Variants in HHAT observed in about 807,000 individuals in gnomAD.
HHAT encodes the protein protein-cysteine N-palmitoyltransferase HHAT.
HHAT carries 47 observed loss-of-function variants against 70.8 expected under a neutral mutation model. The ratio of observed to expected loss-of-function variants is 0.66; its 90% CI spans 0.53 to 0.85. The LOEUF is 0.85. Among genes scored for constraint, HHAT ranks in the 40% least tolerant of loss-of-function variants. HHAT has a pLI of 0.00. For missense variants in HHAT, 609 were observed against 604.8 expected, an observed-to-expected ratio of 1.01 and a Z score of -0.07; for synonymous variants, 228 against 247.6, an observed-to-expected ratio of 0.92 and a Z score of 0.74.
intron 9 of HHAT, among the ~76,000 whole-genome samples, chr1:210,541,552 C>T (rs967872001): frequency 6.6e-6 from 1 of 152,098 alleles, no homozygotes; most frequent in African/African-American, 2.4e-5. Context: ...CATGATGAAA[C>T]CCCGTCTCTA....
chr1:210,644,602 C>CAAAA (rs57190952), intron 11 of HHAT, among the ~76,000 whole-genome samples: 3 of 64,024 alleles, frequency 4.7e-5, no homozygotes, highest in East Asian at 6.5e-4. Context: ...GACTCCATCT[C>CAAAA]AAAAAAAAAA....
chr1:210,562,313 A>G (rs966761095), intron 9 of HHAT, among the ~76,000 whole-genome samples: 1 of 150,492 alleles, frequency 6.6e-6, no homozygotes. Context: ...GCTTCCACTT[A>G]AACAACACAT....
At chr1:210,572,223 G>T (rs1430511291) in intron 9 of HHAT, among the ~76,000 whole-genome samples, 1 of 152,206 alleles carries the variant, frequency 6.6e-6, no homozygotes, top group Admixed American at 6.5e-5. Flanking sequence ...ATGAGAGGCA[G>T]TTGAAACTGT....
chr1:210,513,168 A>G lies in HHAT; in HGVS notation c.1023A>G (p.Gly341=). ...TTTTGAACAGGTATTTTGATGTTGG[A>G]CTGCATAATTTCTTAATCAGGTAAG... ...FTGMWRYFDV[G]LHNFLIRYVY... Residue 341 remains glycine (G), a synonymous_variant, in exon 9 of 12, where the codon GGA becomes GGG. Transcript: ENST00000261458. The G allele has an allele frequency of 6.5e-7, 1 of 1,531,758 alleles. No homozygotes were observed. The highest frequency in any genetic ancestry group is 9.0e-7 in the Non-Finnish European group (1 of 1,109,308). The allele number at this position is 1,531,758 out of a possible 1,614,324, so 94.9% of individuals were successfully genotyped here.
At chr1:210,576,771 G>A (rs1204595880) in intron 9 of HHAT, among the ~76,000 whole-genome samples, 2 of 152,134 alleles carry the variant, frequency 1.3e-5, no homozygotes, top group Non-Finnish European at 2.9e-5. Flanking sequence ...CCTTTCATGT[G>A]TATGCAGTGT....
chr1:210,500,577 G>A (rs1467655649), intron 8 of HHAT, among the ~76,000 whole-genome samples: 1 of 152,172 alleles, frequency 6.6e-6, no homozygotes, highest in Non-Finnish European at 1.5e-5. Context: ...TGGAGAGGAG[G>A]TGTAAGTCAT....
intron 3 of HHAT, among the ~76,000 whole-genome samples, chr1:210,378,675 TG>T (rs940416171): frequency 1.3e-5 from 2 of 152,188 alleles, no homozygotes; most frequent in African/African-American, 4.8e-5. Context: ...CTTTTTTTTT[TG>T]TATAGAGAAC....
At chr1:210,388,030 G>A (rs1329146477) in intron 4 of HHAT, among the ~76,000 whole-genome samples, 1 of 152,160 alleles carries the variant, frequency 6.6e-6, no homozygotes, top group Non-Finnish European at 1.5e-5. Context: ...GCCTTGGGCT[G>A]GCTTAGAGGA....
chr1:210,411,826 C>T (rs909955805), intron 6 of HHAT, among the ~76,000 whole-genome samples: 1 of 100,640 alleles, frequency 9.9e-6, no homozygotes, highest in Non-Finnish European at 2.5e-5. Flanking sequence ...GTCTTACATG[C>T]CTCTACATGC....
At position 210,601,956 on chromosome 1, in the gene HHAT, A is replaced by AGAGAGAGAGAGTGT. The variant is rs374229402; in HGVS notation, c.1245+13858_1245+13859insAGAGAGAGAGTGTG. Among the ~76,000 whole-genome samples the AGAGAGAGAGAGTGT allele has an allele frequency of 3.5e-3, 321 of 91,176 alleles. 2 individuals carry two copies. Among genetic ancestry groups the AGAGAGAGAGAGTGT allele is most frequent in the African/African-American group, 0.011 (301 of 27,828 alleles). The allele number at this position is 91,176 out of a possible 152,430, so 59.8% of individuals were successfully genotyped here. On this transcript the variant is annotated intron_variant, in intron 10 of 11. Coordinates refer to ENST00000261458, the MANE Select transcript of HHAT (RefSeq NM_018194.6). ...GAGACTCAGAGAGAGAGAGAGAGAGAGTATGTGTGTGAGAGTGTGTGTGTG... is the reference window on the plus strand; with the variant it reads ...GAGACTCAGAGAGAGAGAGAGAGAGAGAGAGAGAGAGTGTGTATGTGTGTGAGAGTGTGTGTGTG...
intron 10 of HHAT, among the ~76,000 whole-genome samples, chr1:210,594,936 G>A (rs535611989): frequency 1.3e-5 from 2 of 150,282 alleles, no homozygotes; most frequent in South Asian, 4.3e-4. Context: ...TATGTTATTT[G>A]TTTCTTTGCT....
chr1:210,576,867 T>G (rs1657896048), intron 9 of HHAT, among the ~76,000 whole-genome samples: 1 of 152,196 alleles, frequency 6.6e-6, no homozygotes, highest in African/African-American at 2.4e-5. Flanking sequence ...GTTTTATGGT[T>G]TTCAATGTAC....
intron 9 of HHAT, among the ~76,000 whole-genome samples, chr1:210,556,100 C>A (rs550818977): frequency 6.6e-6 from 1 of 151,964 alleles, no homozygotes; most frequent in Non-Finnish European, 1.5e-5. Context: ...TCTATACTCT[C>A]ATTTCTTTTC....
intron 11 of HHAT, among the ~76,000 whole-genome samples, chr1:210,624,634 A>G (rs551206083): frequency 6.6e-6 from 1 of 152,324 alleles, no homozygotes; most frequent in Admixed American, 6.5e-5. Context: ...GCAAAACCAT[A>G]CTTGCAGCAG....
At chr1:210,633,810 T>G (rs1029481118) in intron 11 of HHAT, among the ~76,000 whole-genome samples, 9 of 152,124 alleles carry the variant, frequency 5.9e-5, no homozygotes, top group African/African-American at 2.2e-4. Context: ...GGCCGAAGCC[T>G]TTGTCCCCTG....
intron 6 of HHAT, among the ~76,000 whole-genome samples, chr1:210,409,907 C>T (rs2092467500): frequency 6.6e-6 from 1 of 152,124 alleles, no homozygotes; most frequent in South Asian, 2.1e-4. Flanking sequence ...GTGGCAGTTT[C>T]CAGTGGTCTA....
chr1:210,365,944 TG>T (rs767154976), intron 3 of HHAT, among the ~76,000 whole-genome samples: 1 of 143,452 alleles, frequency 7.0e-6, no homozygotes, highest in East Asian at 2.0e-4. Flanking sequence ...TTTTTTTTTT[TG>T]AAGAGATGTG....
At chr1:210,407,198 CA>C (rs2092365005) in intron 6 of HHAT, among the ~76,000 whole-genome samples, 1 of 151,942 alleles carries the variant, frequency 6.6e-6, no homozygotes, top group Admixed American at 6.6e-5. Flanking sequence ...TCAGAGAAGC[CA>C]AAAAGGAAAA....
chr1:210,665,137 G>A (rs1368955853), intron 11 of HHAT, among the ~76,000 whole-genome samples: 1 of 152,198 alleles, frequency 6.6e-6, no homozygotes, highest in Non-Finnish European at 1.5e-5. Context: ...TGTGCATAGT[G>A]CACCCCATGG....
Sources: gnomAD v4.1 joint callset for allele counts (sites outside exome capture counted in the v4.1 genomes callset) on GRCh38, gnomAD v4.1.1 for gene constraint, MANE v1.5 for transcripts, NCBI Gene and HGNC (gene_info 2026-07-23, HGNC 2026-07-21) for gene names.